GLIPR1L2: variants seen among roughly 807,000 people sequenced by gnomAD.
The protein encoded by GLIPR1L2 is GLIPR1-like protein 2.
Under a neutral mutation model 28.4 loss-of-function variants are expected in GLIPR1L2, and 21 were observed. The observed-to-expected ratio is 0.74, with a 90% CI of 0.52 to 1.06. GLIPR1L2 has a LOEUF of 1.06. Ranked by LOEUF, GLIPR1L2 falls within the 50% of genes least tolerant of loss-of-function variation. The probability of loss-of-function intolerance (pLI) is 0.00; values close to 1 mark genes in which losing one functional copy is unlikely to be tolerated. For missense variants in GLIPR1L2, 476 were observed against 416.9 expected, an observed-to-expected ratio of 1.14 and a Z score of -1.23; for synonymous variants, 145 against 139.3, an observed-to-expected ratio of 1.04 and a Z score of -0.29.
Position 75,430,700 on chromosome 12 carries a change from T to A in GLIPR1L2, c.671-15T>A. ...AATTTTATGTAATTTTTGTGGACTT[T>A]CTTTTTCTTTCTAGGTAATGCAGAT... On this transcript the variant is annotated splice_polypyrimidine_tract_variant and intron_variant, in intron 4 of 5. Coordinates refer to ENST00000550916, the MANE Select transcript of GLIPR1L2 (RefSeq NM_001270396.2). 1 of 1,527,404 alleles carries A rather than the reference T, an allele frequency of 6.5e-7. No homozygotes were observed. The highest frequency in any genetic ancestry group is 1.2e-5 in the South Asian group (1 of 81,586). The allele number at this position is 1,527,404 out of a possible 1,614,324, so 94.6% of individuals were successfully genotyped here.
intron 2 of GLIPR1L2, among the ~76,000 whole-genome samples, chr12:75,411,463 A>G (rs190499613): frequency 2.2e-4 from 33 of 151,598 alleles, no homozygotes; most frequent in African/African-American, 6.8e-4. Context: ...CTTTCATCCA[A>G]TCATACTTCA....
intron 4 of GLIPR1L2, 61 bp downstream of exon 4, chr12:75,423,050 G>T: frequency 1.2e-6 from 2 of 1,602,034 alleles, no homozygotes; most frequent in Non-Finnish European, 1.7e-6. Flanking sequence ...AAAAATAAGC[G>T]ATTGAACACT....
chr12:75,423,128 G>A (rs1286836350), intron 4 of GLIPR1L2, 139 bp downstream of exon 4: 1 of 1,545,926 alleles, frequency 6.5e-7, no homozygotes, highest in Non-Finnish European at 8.7e-7. Context: ...TCAAAGGATG[G>A]TTGACACAGT....
chr12:75,422,238 C>G (rs1217430816), intron 3 of GLIPR1L2, among the ~76,000 whole-genome samples: 1 of 151,698 alleles, frequency 6.6e-6, no homozygotes, highest in Non-Finnish European at 1.5e-5. Context: ...AAGAGATTAT[C>G]CCACCTTGGC....
chr12:75,430,614 G>A (rs903473099), intron 4 of GLIPR1L2, 101 bp from the exon 5 acceptor site: 1 of 1,100,316 alleles, frequency 9.1e-7, no homozygotes, highest in East Asian at 2.6e-5. Flanking sequence ...GATAATGCCT[G>A]AGAACTAGGA....
intron 1 of GLIPR1L2, 55 bp from the exon 2 acceptor site, chr12:75,410,379 T>C: frequency 7.1e-7 from 1 of 1,413,138 alleles, no homozygotes; most frequent in Non-Finnish European, 9.4e-7. Context: ...AAAAAATATT[T>C]TAGACTACAA....
chr12:75,410,552 A>G lies in GLIPR1L2; in HGVS notation c.353A>G (p.Glu118Gly). 6.2e-7 allele frequency: 1 copy of G among 1,612,434 alleles called. No homozygotes were observed. The highest frequency in any genetic ancestry group is 8.5e-7 in the Non-Finnish European group (1 of 1,178,958). The change falls in exon 2 of 6, where the codon GAA becomes GGA. Residue 118 changes from glutamate (E) to glycine (G), a missense_variant. Coordinates refer to ENST00000550916, the MANE Select transcript of GLIPR1L2 (RefSeq NM_001270396.2). ...CATCCTAAATTTTATGGTATTGGTG[A>G]AAATATGTGGGTCGGCCCTGAAAAT... is the stretch of plus-strand genomic sequence containing the variant. ...MVHPKFYGIGENMWVGPENEF... is the reference protein window; with the variant it reads ...MVHPKFYGIGGNMWVGPENEF...
chr12:75,394,237 C>G (rs2045659556), intron 1 of GLIPR1L2, among the ~76,000 whole-genome samples: 1 of 151,868 alleles, frequency 6.6e-6, no homozygotes, highest in African/African-American at 2.4e-5. Flanking sequence ...TTGATAATAT[C>G]CTTTGATAAA....
rs776247147 is a variant in GLIPR1L2, at chr12:75,410,461, G to A, written c.262G>A (p.Ala88Thr). The A allele has an allele frequency of 6.2e-6, 10 of 1,608,092 alleles. No homozygotes were observed. Among genetic ancestry groups the A allele is most frequent in the Middle Eastern group, 1.7e-4 (1 of 6,024 alleles). ...TTGGGATGTAGCTTTATCACGGACT[G>A]CTAGAGCATGGGGAAAAAAATGTTT... ...MTWDVALSRT[A>T]RAWGKKCLFT... Residue 88 changes from alanine (A) to threonine (T), a missense_variant, in exon 2 of 6, where the codon GCT becomes ACT. Ala to Thr is a moderately conservative substitution (Grantham distance 58, BLOSUM62 0). Transcript: ENST00000550916.
intron 4 of GLIPR1L2, chr12:75,423,513 T>C (rs1428124731): frequency 1.3e-6 from 1 of 771,216 alleles, no homozygotes. Flanking sequence ...AAATATACAA[T>C]GCTTAGAGGA....
intron 1 of GLIPR1L2, among the ~76,000 whole-genome samples, chr12:75,403,726 C>T (rs2045767027): frequency 6.6e-6 from 1 of 152,000 alleles, no homozygotes. Flanking sequence ...TTGATATGTC[C>T]ACCTTCAACC....
chr12:75,421,223 G>A (rs892579536), intron 3 of GLIPR1L2, among the ~76,000 whole-genome samples: 1 of 152,152 alleles, frequency 6.6e-6, no homozygotes, highest in Non-Finnish European at 1.5e-5. Flanking sequence ...TTTCTGCTCT[G>A]GCTGGGTTCT....
chr12:75,421,744 A>G (rs2045977909), intron 3 of GLIPR1L2, among the ~76,000 whole-genome samples: 1 of 152,144 alleles, frequency 6.6e-6, no homozygotes, highest in African/African-American at 2.4e-5. Context: ...GCTCTGTACA[A>G]TGGGTTAAAT....
chr12:75,408,217 A>G (rs2045823745), intron 1 of GLIPR1L2, among the ~76,000 whole-genome samples: 2 of 151,982 alleles, frequency 1.3e-5, no homozygotes, highest in African/African-American at 4.8e-5. Flanking sequence ...TCTCTTTTCA[A>G]TTATGATTTT....
chr12:75,419,851 C>T (rs1394067461), intron 3 of GLIPR1L2, among the ~76,000 whole-genome samples: 1 of 151,986 alleles, frequency 6.6e-6, no homozygotes, highest in Non-Finnish European at 1.5e-5. Flanking sequence ...TTGAATAGGC[C>T]CAGGAAGTAG....
chr12:75,412,874 A>T lies in GLIPR1L2; in HGVS notation c.481-724A>T, dbSNP rs1334132376. ...ATACCCAAAGGATTATAAATCATGCAGCTATAAAGACACATGCACACGTAT... is the reference window on the plus strand; with the variant it reads ...ATACCCAAAGGATTATAAATCATGCTGCTATAAAGACACATGCACACGTAT... On this transcript the variant is annotated intron_variant, in intron 2 of 5. Transcript: ENST00000550916. 2.6e-5 allele frequency among the ~76,000 whole-genome samples: 4 copies of T among 151,820 alleles called. 1 individual carries two copies. The South Asian group carries it at 8.4e-4, about 32-fold the overall frequency.
chr12:75,401,523 T>A (rs2045741577), intron 1 of GLIPR1L2, among the ~76,000 whole-genome samples: 1 of 151,960 alleles, frequency 6.6e-6, no homozygotes, highest in Non-Finnish European at 1.5e-5. Flanking sequence ...TCTATACTTC[T>A]TTTAAAGTCT....
At position 75,431,844 on chromosome 12, in the gene GLIPR1L2, CA is replaced by C. The variant is rs1431706413; in HGVS notation, c.*686del. On this transcript the variant is annotated 3_prime_UTR_variant, in exon 6 of 6. Transcript: ENST00000550916. ...TGTGGTAGAGGAATCTGGGTGCTTC[CA>C]AATTTATATGATAAAATAAATAAAT... The C allele has an allele frequency of 1.4e-4, 22 of 151,928 alleles. No individual in the cohort carries two copies. Among genetic ancestry groups the C allele is most frequent in the African/African-American group, 5.1e-4 (21 of 41,498 alleles). 9.4% of individuals were successfully genotyped at this position (151,928 alleles called of 1,614,324 possible). A position where few individuals can be genotyped will look rare whatever the true frequency, so the allele number is the denominator to read the frequency against.
At position 75,401,310 on chromosome 12, in the gene GLIPR1L2, TA is replaced by T. The variant is rs1401509117; in HGVS notation, c.235-9118del. ...AAAAATATTTATGAAACTTCCAAGT[TA>T]AAAAAGAGAAACAATATTATAAAAT... On this transcript the variant is annotated intron_variant, in intron 1 of 5. Transcript: ENST00000550916. Among the ~76,000 whole-genome samples the T allele has an allele frequency of 1.3e-4, 19 of 149,830 alleles. No homozygotes were observed. The South Asian group carries it at 3.4e-3, about 27-fold the overall frequency.
Sources: allele counts gnomAD v4.1 joint callset (sites outside exome capture counted in the v4.1 genomes callset), GRCh38; gene constraint gnomAD v4.1.1; transcripts MANE v1.5; gene names NCBI Gene and HGNC (gene_info 2026-07-23, HGNC 2026-07-21).